The following SCML2 variants were observed in gnomAD, a reference collection of about 807,000 sequenced individuals.
The protein encoded by SCML2 is sex comb on midleg-like protein 2.
In SCML2, 6 loss-of-function variants were observed where a neutral mutation model predicts 48.4. The observed-to-expected ratio is 0.12, with a 90% CI of 0.07 to 0.24. The LOEUF is 0.24. SCML2 is among the 10% of genes least tolerant of loss of function. The pLI, the probability that SCML2 is intolerant of heterozygous loss-of-function variation, is 1.00. For synonymous variants in SCML2, 181 were observed against 189.5 expected (o/e 0.95, Z 0.37); for missense variants, 377 against 528.2 (o/e 0.71, Z 2.81).
chrX:18,295,758 G>A (rs1054042704), intron 7 of SCML2, among the ~76,000 whole-genome samples: 3 of 112,096 alleles, frequency 2.7e-5, no homozygotes, highest in African/African-American at 9.7e-5. Flanking sequence ...GGGGCCTGAG[G>A]ACTGGCCCAC....
At chrX:18,311,075 A>T (rs1017943720) in intron 6 of SCML2, among the ~76,000 whole-genome samples, 15 of 112,050 alleles carry the variant, frequency 1.3e-4, no homozygotes, top group African/African-American at 4.2e-4. Flanking sequence ...GCTCCATAAG[A>T]GCATATTTTA....
chrX:18,340,046 TTC>T (rs773308325), intron 1 of SCML2, among the ~76,000 whole-genome samples: 1 of 111,946 alleles, frequency 8.9e-6, no homozygotes, highest in Non-Finnish European at 1.9e-5. Context: ...TCAAATGAAA[TTC>T]TCTCTATATA....
intron 7 of SCML2, among the ~76,000 whole-genome samples, chrX:18,271,386 A>T (rs1927453235): frequency 9.1e-6 from 1 of 109,463 alleles, no homozygotes; most frequent in East Asian, 2.9e-4. Flanking sequence ...CTGTAACAAC[A>T]ACAACAACAA....
intron 7 of SCML2, among the ~76,000 whole-genome samples, chrX:18,294,693 C>G (rs1368968753): frequency 9.0e-6 from 1 of 110,634 alleles, no homozygotes; most frequent in Non-Finnish European, 1.9e-5. Context: ...GCACAACAAC[C>G]ATTAGACCCA....
intron 2 of SCML2, among the ~76,000 whole-genome samples, 200 bp downstream of exon 2, chrX:18,333,850 A>C (rs1268476444): frequency 8.9e-6 from 1 of 112,013 alleles, no homozygotes; most frequent in Non-Finnish European, 1.9e-5. Context: ...TCTAAGTTTC[A>C]GTTTTCTCAT....
intron 11 of SCML2, among the ~76,000 whole-genome samples, chrX:18,256,303 T>C (rs759307270): frequency 1.8e-5 from 2 of 110,654 alleles, no homozygotes; most frequent in Non-Finnish European, 3.8e-5. Context: ...AATACAAAAA[T>C]TAGCTGGGCA....
chrX:18,282,815 C>A (rs1252711247), intron 7 of SCML2, among the ~76,000 whole-genome samples: 2 of 111,377 alleles, frequency 1.8e-5, no homozygotes. Flanking sequence ...AACCTGCCAA[C>A]CAAAAGAAGC....
chrX:18,241,470 TC>T (rs1926262309), intron 14 of SCML2, 91 bp from the exon 15 acceptor site: 2 of 580,631 alleles, frequency 3.4e-6, no homozygotes, highest in Non-Finnish European at 5.0e-6. Context: ...AGCTGTATAC[TC>T]CGGATATATA....
At chrX:18,316,774 C>T (rs1929134512) in intron 6 of SCML2, among the ~76,000 whole-genome samples, 1 of 112,228 alleles carries the variant, frequency 8.9e-6, no homozygotes, top group South Asian at 3.7e-4. Context: ...CCCCATCACT[C>T]GCATTACCAC....
At chrX:18,312,923 A>G (rs1038669429) in intron 6 of SCML2, among the ~76,000 whole-genome samples, 1 of 110,709 alleles carries the variant, frequency 9.0e-6, no homozygotes, top group Non-Finnish European at 1.9e-5. Context: ...GGATTAATAC[A>G]GGTTAGGGTT....
chrX:18,256,365 T>A (rs1490673934), intron 11 of SCML2, among the ~76,000 whole-genome samples: 1 of 111,224 alleles, frequency 9.0e-6, no homozygotes, highest in Non-Finnish European at 1.9e-5. Context: ...GACAGGAAGA[T>A]CGATTGAATC....
intron 7 of SCML2, among the ~76,000 whole-genome samples, chrX:18,269,116 TC>T (rs987972302): frequency 8.9e-6 from 1 of 111,900 alleles, no homozygotes; most frequent in Non-Finnish European, 1.9e-5. Context: ...AAACTTTTCT[TC>T]CCCCAAACAT....
chrX:18,285,312 T>C lies in SCML2; in HGVS notation c.731-19510A>G, dbSNP rs772762182. ...GACGTGGAATCAATTTAGGTGGCCA[T>C]CAATAGTAGACTAGACAAAGAAAAT... On this transcript the variant is annotated intron_variant, in intron 7 of 14. Coordinates refer to ENST00000251900, the MANE Select transcript of SCML2 (RefSeq NM_006089.3). Among the ~76,000 whole-genome samples, 3 of 109,086 alleles carry C rather than the reference T, an allele frequency of 2.8e-5. No homozygotes were observed. The South Asian group carries it at 1.2e-3, about 44-fold the overall frequency. The allele number at this position is 109,086 out of a possible 115,157, so 94.7% of individuals were successfully genotyped here.
intron 2 of SCML2, 38 bp downstream of exon 2, chrX:18,334,012 A>G (rs769682873): frequency 8.8e-7 from 1 of 1,139,294 alleles, no homozygotes; most frequent in Admixed American, 2.4e-5. Flanking sequence ...CCAAATGAGT[A>G]ACTAAAAACA....
At chrX:18,275,767 G>C (rs951576634) in intron 7 of SCML2, among the ~76,000 whole-genome samples, 1 of 112,400 alleles carries the variant, frequency 8.9e-6, no homozygotes, top group African/African-American at 3.2e-5. Context: ...ACTATAGCTT[G>C]ATCGTAACAT....
chrX:18,302,138 CTTTTTCTTTTT>C (rs778769300), intron 7 of SCML2, among the ~76,000 whole-genome samples: 5 of 110,074 alleles, frequency 4.5e-5, no homozygotes, highest in Non-Finnish European at 9.5e-5. Flanking sequence ...ACCACTTTTT[CTTTTTCTTTTT>C]TTTTTCTTTT....
chrX:18,285,983 C>T (rs1200004706), intron 7 of SCML2, among the ~76,000 whole-genome samples: 1 of 111,567 alleles, frequency 9.0e-6, no homozygotes, highest in Non-Finnish European at 1.9e-5. Flanking sequence ...ACAACATATG[C>T]TTTTTAAAAG....
intron 4 of SCML2, among the ~76,000 whole-genome samples, 179 bp from the exon 5 acceptor site, chrX:18,324,272 T>C (rs1929412643): frequency 9.0e-6 from 1 of 111,392 alleles, no homozygotes; most frequent in Non-Finnish European, 1.9e-5. Flanking sequence ...TGGCTTGACA[T>C]GCAGCATAAA....
chrX:18,303,693 T>C (rs1020498076), intron 7 of SCML2, among the ~76,000 whole-genome samples: 3 of 112,281 alleles, frequency 2.7e-5, no homozygotes, highest in Non-Finnish European at 5.6e-5. Context: ...CTTAATATCA[T>C]ATACACACAG....
Sources: allele counts gnomAD v4.1 joint callset (sites outside exome capture counted in the v4.1 genomes callset), GRCh38; gene constraint gnomAD v4.1.1; transcripts MANE v1.5; gene names NCBI Gene and HGNC (gene_info 2026-07-23, HGNC 2026-07-21).